Variants in FHIT observed in about 807,000 individuals in gnomAD.
FHIT encodes the protein fragile histidine triad diadenosine triphosphatase.
FHIT carries 19 observed loss-of-function variants against 17.9 expected under a neutral mutation model. That is an observed-to-expected ratio of 1.06 (90% confidence interval 0.74 to 1.56). The LOEUF (loss-of-function observed/expected upper bound fraction) is 1.56, where lower values mean the gene tolerates loss of function less well. FHIT is among the 40% of genes most tolerant of loss of function. The pLI, the probability that FHIT is intolerant of heterozygous loss-of-function variation, is 0.00. For synonymous variants in FHIT, 81 were observed against 69.7 expected, an observed-to-expected ratio of 1.16 and a Z score of -0.81; for missense variants, 248 against 189.2, an observed-to-expected ratio of 1.31 and a Z score of -1.82.
At chr3:60,788,584 G>T (rs1242395575) in intron 4 of FHIT, among the ~76,000 whole-genome samples, 2 of 152,250 alleles carry the variant, frequency 1.3e-5, no homozygotes, top group East Asian at 1.9e-4. Flanking sequence ...GATACTAGGG[G>T]CTGAGGGTTG....
intron 5 of FHIT, among the ~76,000 whole-genome samples, chr3:60,234,442 CAT>C (rs1704664577): frequency 6.6e-6 from 1 of 152,164 alleles, no homozygotes; most frequent in South Asian, 2.1e-4. Context: ...TGCACATACA[CAT>C]ATAGTCTTTA....
intron 5 of FHIT, among the ~76,000 whole-genome samples, chr3:60,020,370 G>A (rs753666283): frequency 3.3e-5 from 5 of 152,126 alleles, no homozygotes; most frequent in African/African-American, 9.7e-5. Flanking sequence ...TATTATGATC[G>A]GAGTTGCTCA....
intron 3 of FHIT, among the ~76,000 whole-genome samples, chr3:60,960,528 T>A (rs1709371910): frequency 6.6e-6 from 1 of 152,204 alleles, no homozygotes; most frequent in South Asian, 2.1e-4. Context: ...ACCCATTAAC[T>A]CATCATTTAC....
At chr3:60,513,173 T>A (rs1388765526) in intron 5 of FHIT, among the ~76,000 whole-genome samples, 1 of 152,178 alleles carries the variant, frequency 6.6e-6, no homozygotes, top group Non-Finnish European at 1.5e-5. Context: ...ACAAAGGAAG[T>A]GTCTACAGAG....
At chr3:60,981,783 TTA>T (rs972491514) in intron 3 of FHIT, among the ~76,000 whole-genome samples, 82 of 33,358 alleles carry the variant, frequency 2.5e-3, no homozygotes, top group African/African-American at 8.4e-3. Context: ...TATTTTTTTT[TTA>T]AGAGATGGGG....
At chr3:60,910,572 C>T (rs1425157702) in intron 3 of FHIT, among the ~76,000 whole-genome samples, 2 of 151,962 alleles carry the variant, frequency 1.3e-5, no homozygotes, top group Non-Finnish European at 2.9e-5. Flanking sequence ...CCACCACGCC[C>T]GGCTAATTTT....
At chr3:61,040,365 A>T (rs2033448587) in intron 3 of FHIT, among the ~76,000 whole-genome samples, 1 of 152,212 alleles carries the variant, frequency 6.6e-6, no homozygotes, top group Admixed American at 6.5e-5. Flanking sequence ...TGCAAACCTT[A>T]TTTTGCACAA....
intron 5 of FHIT, among the ~76,000 whole-genome samples, chr3:60,275,823 C>A (rs1707103504): frequency 6.6e-6 from 1 of 152,156 alleles, no homozygotes; most frequent in Non-Finnish European, 1.5e-5. Flanking sequence ...CAGTCCTATC[C>A]TACACAATAA....
chr3:60,970,554 A>G (rs1709963375), intron 3 of FHIT, among the ~76,000 whole-genome samples: 1 of 151,994 alleles, frequency 6.6e-6, no homozygotes, highest in African/African-American at 2.4e-5. Flanking sequence ...TTTGTCTTCA[A>G]TTAATCAAAT....
intron 5 of FHIT, among the ~76,000 whole-genome samples, chr3:60,510,590 T>G (rs1248054454): frequency 6.6e-6 from 1 of 150,650 alleles, no homozygotes; most frequent in Non-Finnish European, 1.5e-5. Context: ...CATTAGAAAA[T>G]GAGATCTCAT....
chr3:60,427,191 G>C (rs1702701507), intron 5 of FHIT, among the ~76,000 whole-genome samples: 1 of 152,074 alleles, frequency 6.6e-6, no homozygotes. Flanking sequence ...CTCAAGTTGT[G>C]AGAGGGCTTC....
At chr3:60,215,143 C>G (rs532691550) in intron 5 of FHIT, among the ~76,000 whole-genome samples, 25 of 152,062 alleles carry the variant, frequency 1.6e-4, no homozygotes, top group African/African-American at 5.5e-4. Flanking sequence ...TGTAACAAGC[C>G]TGGATGCACA....
In FHIT at chr3:60,975,960, T is replaced by C. The variant is rs187068594; in HGVS notation, c.-111+66087A>G. Among the ~76,000 whole-genome samples the C allele has an allele frequency of 5.5e-4, 83 of 152,172 alleles. 3 individuals carry two copies. The highest frequency in any genetic ancestry group is 2.0e-3 in the African/African-American group (81 of 41,524). ...AAGACTGTTCTGAAATGAAATCAAA[T>C]CAACTCTTTCTACACAGTGGAAATT... On this transcript the variant is annotated intron_variant, in intron 3 of 9. Transcript: ENST00000492590.
intron 4 of FHIT, among the ~76,000 whole-genome samples, chr3:60,673,892 T>A (rs1553694622): frequency 6.6e-6 from 1 of 152,182 alleles, no homozygotes. Flanking sequence ...TGGTTTTCTT[T>A]GTTTTTATCC....
intron 4 of FHIT, among the ~76,000 whole-genome samples, chr3:60,713,259 C>G (rs1205652813): frequency 1.3e-5 from 2 of 150,298 alleles, no homozygotes; most frequent in Non-Finnish European, 3.0e-5. Context: ...ACCAGAATCT[C>G]TGGGACACAT....
chr3:60,564,405 G>T (rs1228413279), intron 4 of FHIT, among the ~76,000 whole-genome samples: 1 of 152,148 alleles, frequency 6.6e-6, no homozygotes, highest in African/African-American at 2.4e-5. Flanking sequence ...ACAGATCAAG[G>T]AGGAATTCTG....
chr3:60,021,853 G>A (rs980275020), intron 5 of FHIT, among the ~76,000 whole-genome samples: 21 of 152,172 alleles, frequency 1.4e-4, no homozygotes, highest in African/African-American at 4.3e-4. Context: ...TGGGATAGCA[G>A]AGCCCTGCTT....
At chr3:60,038,493 T>A (rs1359749221) in intron 5 of FHIT, among the ~76,000 whole-genome samples, 2 of 152,212 alleles carry the variant, frequency 1.3e-5, no homozygotes, top group Non-Finnish European at 2.9e-5. Flanking sequence ...CTGCAGACAG[T>A]TGCTTGTACG....
intron 5 of FHIT, among the ~76,000 whole-genome samples, chr3:60,049,016 T>C (rs1701767300): frequency 6.6e-6 from 1 of 152,188 alleles, no homozygotes. Context: ...ACCAGCAGCC[T>C]AGAACTCTCC....
Sources: allele counts gnomAD v4.1 joint callset (sites outside exome capture counted in the v4.1 genomes callset), GRCh38; gene constraint gnomAD v4.1.1; transcripts MANE v1.5; gene names NCBI Gene and HGNC (gene_info 2026-07-23, HGNC 2026-07-21).